The following NRXN1 variants were observed in gnomAD, a reference collection of about 807,000 sequenced individuals.
NRXN1 encodes the protein neurexin-1.
In NRXN1, 39 loss-of-function variants were observed where a neutral mutation model predicts 150.9. The observed-to-expected ratio is 0.26, with a 90% CI of 0.20 to 0.34. The LOEUF (loss-of-function observed/expected upper bound fraction) is 0.34, where lower values mean the gene tolerates loss of function less well. Ranked by LOEUF, NRXN1 falls within the 10% of genes least tolerant of loss-of-function variation. The pLI is 1.00. For synonymous variants in NRXN1, 924 were observed against 757.0 expected (o/e 1.22, Z -3.62); for missense variants, 1,815 against 1,949.9 (o/e 0.93, Z 1.30).
At chr2:50,201,994 T>C (rs1223467103) in intron 18 of NRXN1, among the ~76,000 whole-genome samples, 1 of 152,204 alleles carries the variant, frequency 6.6e-6, no homozygotes, top group Non-Finnish European at 1.5e-5. Flanking sequence ...ATTCAATACA[T>C]TGTTACTGAG....
At chr2:50,212,563 G>C (rs1487033512) in intron 18 of NRXN1, among the ~76,000 whole-genome samples, 1 of 151,604 alleles carries the variant, frequency 6.6e-6, no homozygotes, top group Non-Finnish European at 1.5e-5. Context: ...GGCAAAGTTT[G>C]TCATTTATAT....
intron 13 of NRXN1, among the ~76,000 whole-genome samples, chr2:50,504,191 G>C (rs1056788765): frequency 1.3e-5 from 2 of 150,914 alleles, no homozygotes; most frequent in African/African-American, 4.9e-5. Flanking sequence ...CACTGTGCTG[G>C]AGGGGAAAAA....
intron 17 of NRXN1, among the ~76,000 whole-genome samples, chr2:50,378,407 T>G (rs1308137848): frequency 6.6e-6 from 1 of 152,178 alleles, no homozygotes; most frequent in Non-Finnish European, 1.5e-5. Context: ...TAGCTTAGCC[T>G]AGCTTCAAAT....
At chr2:50,332,662 C>T (rs982527157) in intron 17 of NRXN1, among the ~76,000 whole-genome samples, 5 of 152,210 alleles carry the variant, frequency 3.3e-5, no homozygotes, top group Non-Finnish European at 7.3e-5. Flanking sequence ...AATTATTAAG[C>T]TTTTTACAGA....
intron 17 of NRXN1, among the ~76,000 whole-genome samples, chr2:50,358,058 G>C (rs1037223240): frequency 3.9e-5 from 6 of 152,128 alleles, no homozygotes; most frequent in African/African-American, 1.4e-4. Context: ...CCACGCACTA[G>C]GCTTTTCCCA....
At position 50,620,064 on chromosome 2, in the gene NRXN1, T is replaced by A. The variant is rs1378006108; in HGVS notation, c.1278A>T (p.Pro426=). ...TAAAGTTGTTACTGACTGGTGACCC[T>A]GGAAGGTCGGCTGTGCTGGGACTGC... is the stretch of plus-strand genomic sequence containing the variant. ...VGGSPSTADL[P]GSPVSNNFMG... The change falls in exon 8 of 23, where the codon CCA becomes CCT. Residue 426 remains proline, a synonymous_variant. Coordinates refer to ENST00000401669, the MANE Select transcript of NRXN1 (RefSeq NM_001330078.2). The A allele has an allele frequency of 6.2e-7, 1 of 1,611,586 alleles. No individual in the cohort carries two copies. The highest frequency in any genetic ancestry group is 1.1e-5 in the South Asian group (1 of 90,718).
At chr2:50,744,716 G>A (rs1699815126) in intron 5 of NRXN1, among the ~76,000 whole-genome samples, 1 of 152,032 alleles carries the variant, frequency 6.6e-6, no homozygotes. Context: ...GACATGCACT[G>A]AGCTTTAGAT....
intron 5 of NRXN1, among the ~76,000 whole-genome samples, chr2:50,788,882 T>C (rs939105025): frequency 5.9e-5 from 9 of 152,138 alleles, no homozygotes; most frequent in African/African-American, 1.7e-4. Flanking sequence ...AACCGAGGCA[T>C]TGAGTGATCA....
At chr2:50,397,436 T>G (rs1433751100) in intron 17 of NRXN1, among the ~76,000 whole-genome samples, 1 of 152,080 alleles carries the variant, frequency 6.6e-6, no homozygotes, top group Admixed American at 6.6e-5. Context: ...GTGATTGGCT[T>G]GCATACGTTG....
intron 18 of NRXN1, among the ~76,000 whole-genome samples, chr2:50,117,946 A>G (rs1703292181): frequency 6.6e-6 from 1 of 152,162 alleles, no homozygotes; most frequent in Admixed American, 6.6e-5. Flanking sequence ...ACTCTCCAGC[A>G]TTGGCAGAAT....
At chr2:50,379,355 T>C (rs1282137885) in intron 17 of NRXN1, among the ~76,000 whole-genome samples, 1 of 152,054 alleles carries the variant, frequency 6.6e-6, no homozygotes. Flanking sequence ...AAAAAGGGGA[T>C]GGAAATGAAC....
intron 19 of NRXN1, among the ~76,000 whole-genome samples, chr2:50,083,524 C>G (rs1698285316): frequency 6.6e-6 from 1 of 152,074 alleles, no homozygotes; most frequent in African/African-American, 2.4e-5. Context: ...CAGTGTGGAC[C>G]CAAAGAGTGA....
At chr2:50,771,896 T>C (rs1050422518) in intron 5 of NRXN1, among the ~76,000 whole-genome samples, 2 of 151,934 alleles carry the variant, frequency 1.3e-5, no homozygotes, top group African/African-American at 4.8e-5. Flanking sequence ...TTATCAGGGG[T>C]GAGAGTACAC....
At chr2:50,818,830 A>C (rs1233654206) in intron 5 of NRXN1, among the ~76,000 whole-genome samples, 1 of 152,136 alleles carries the variant, frequency 6.6e-6, no homozygotes, top group African/African-American at 2.4e-5. Context: ...CAGAAACACA[A>C]CTTGATTAAA....
intron 5 of NRXN1, among the ~76,000 whole-genome samples, chr2:50,694,964 C>T (rs1486877339): frequency 6.6e-6 from 1 of 152,076 alleles, no homozygotes; most frequent in Admixed American, 6.6e-5. Context: ...ATCTCATAGC[C>T]AAATCACCTC....
intron 5 of NRXN1, among the ~76,000 whole-genome samples, chr2:50,872,203 AGCCAC>A (rs1677883020): frequency 6.6e-6 from 1 of 151,896 alleles, no homozygotes; most frequent in African/African-American, 2.4e-5. Flanking sequence ...GTCATTTCAC[AGCCAC>A]TATCTTCACG....
intron 19 of NRXN1, among the ~76,000 whole-genome samples, chr2:50,087,508 A>G (rs1698957189): frequency 6.6e-6 from 1 of 152,110 alleles, no homozygotes; most frequent in African/African-American, 2.4e-5. Flanking sequence ...AAGAAAGTCT[A>G]TTTTTGTGGA....
chr2:50,791,168 T>C (rs932363741), intron 5 of NRXN1, among the ~76,000 whole-genome samples: 1 of 151,432 alleles, frequency 6.6e-6, no homozygotes, highest in African/African-American at 2.4e-5. Context: ...GTAACACATG[T>C]AACTAAGAGT....
At chr2:50,542,295 G>C in intron 9 of NRXN1, among the ~76,000 whole-genome samples, 1 of 151,834 alleles carries the variant, frequency 6.6e-6, no homozygotes, top group South Asian at 2.1e-4. Context: ...GAAAGAAAGA[G>C]AGAGAGAGAG....
Sources: allele counts gnomAD v4.1 joint callset (sites outside exome capture counted in the v4.1 genomes callset), GRCh38; gene constraint gnomAD v4.1.1; transcripts MANE v1.5; gene names NCBI Gene and HGNC (gene_info 2026-07-23, HGNC 2026-07-21).